The following SLC12A2 variants were observed in gnomAD, a reference collection of about 807,000 sequenced individuals.
SLC12A2 encodes Na-K-2Cl cotransporter 1.
SLC12A2 carries 67 observed loss-of-function variants against 136.3 expected under a neutral mutation model. The ratio of observed to expected loss-of-function variants is 0.49; its 90% CI spans 0.40 to 0.60. The LOEUF (loss-of-function observed/expected upper bound fraction) is 0.60. Among genes scored for constraint, SLC12A2 ranks in the 20% least tolerant of loss-of-function variants. The pLI is 0.00. For synonymous variants in SLC12A2, 619 were observed against 562.9 expected (o/e 1.10, Z -1.41); for missense variants, 1,322 against 1,534.7 (o/e 0.86, Z 2.32).
At chr5:128,169,371 C>T (rs913647626) in intron 18 of SLC12A2, 4 of 152,094 alleles carry the variant, frequency 2.6e-5, no homozygotes, top group African/African-American at 9.7e-5. Context: ...TGGCTATAAC[C>T]ACATATATTT....
At chr5:128,164,847 GTTT>G (rs35076550) in intron 17 of SLC12A2, among the ~76,000 whole-genome samples, 1 of 123,552 alleles carries the variant, frequency 8.1e-6, no homozygotes, top group African/African-American at 3.1e-5. Context: ...AAACTGTTTT[GTTT>G]TTTTTTTTTT....
Position 128,084,835 on chromosome 5 carries a change from C to T in SLC12A2, c.756+125C>T. On this transcript the variant is annotated intron_variant, in intron 1 of 26. Coordinates refer to ENST00000262461, the MANE Select transcript of SLC12A2 (RefSeq NM_001046.3). The surrounding 1 kb of genome is among the most constrained non-coding windows in gnomAD (Gnocchi z 5.6). ...AGACGTGCACGACTTGCTGGCATCT[C>T]TGGATTCAGCTGTCAAGGGTGGAAT... 2.8e-6 allele frequency: 3 copies of T among 1,056,994 alleles called. No individual in the cohort carries two copies. The highest frequency in any genetic ancestry group is 2.7e-6 in the Non-Finnish European group (2 of 753,624). The allele number at this position is 1,056,994 out of a possible 1,614,324, so 65.5% of individuals were successfully genotyped here. A position where few individuals can be genotyped will look rare whatever the true frequency, so the allele number is the denominator to read the frequency against.
At chr5:128,173,739 G>A (rs1040092614) in intron 19 of SLC12A2, among the ~76,000 whole-genome samples, 3 of 152,156 alleles carry the variant, frequency 2.0e-5, no homozygotes, top group African/African-American at 7.2e-5. Flanking sequence ...GTGCTGGCAT[G>A]TAGCTTCTTT....
chr5:128,091,843 A>G (rs1345796362), intron 1 of SLC12A2, among the ~76,000 whole-genome samples: 2 of 152,214 alleles, frequency 1.3e-5, no homozygotes, highest in Non-Finnish European at 2.9e-5. Context: ...CCCTGCCTTA[A>G]TTTTTAAAAA....
At chr5:128,113,177 C>G (rs994562671) in intron 2 of SLC12A2, among the ~76,000 whole-genome samples, 1 of 152,120 alleles carries the variant, frequency 6.6e-6, no homozygotes, top group African/African-American at 2.4e-5. Flanking sequence ...TAATGTGTTA[C>G]TGATGGTATT....
chr5:128,184,537 T>C (rs1763806384), intron 25 of SLC12A2, 36 bp downstream of exon 25: 2 of 1,524,768 alleles, frequency 1.3e-6, no homozygotes, highest in African/African-American at 2.8e-5. Context: ...TAATCTTTTA[T>C]ATAATAAAAG....
Position 128,119,572 on chromosome 5 carries a change from T to C in SLC12A2, c.1048+4891T>C, listed in dbSNP as rs546036879. On this transcript the variant is annotated intron_variant, in intron 4 of 26. Coordinates refer to ENST00000262461, the MANE Select transcript of SLC12A2 (RefSeq NM_001046.3). Reference sequence around the variant, plus strand: ...TTTCTGAGGGCTCTGTTCTGTTCCATTGATCTATATCTCTGTTTTGGTACC... The same window carrying C: ...TTTCTGAGGGCTCTGTTCTGTTCCACTGATCTATATCTCTGTTTTGGTACC... Among the ~76,000 whole-genome samples the C allele has an allele frequency of 6.0e-4, 91 of 152,328 alleles. No homozygotes were observed. The South Asian group carries it at 7.7e-3, about 13-fold the overall frequency.
At chr5:128,139,475 G>GT (rs1478884853) in intron 9 of SLC12A2, among the ~76,000 whole-genome samples, 1 of 152,102 alleles carries the variant, frequency 6.6e-6, no homozygotes, top group Non-Finnish European at 1.5e-5. Context: ...CAACTTCATG[G>GT]TTACTTCATG....
intron 21 of SLC12A2, 32 bp downstream of exon 21, chr5:128,177,184 CTTTTTCATACTGTAAACT>C: frequency 6.7e-7 from 1 of 1,492,868 alleles, no homozygotes; most frequent in South Asian, 1.2e-5. Context: ...ATTTTAAACC[CTTTTTCATACTGTAAACT>C]CTTTAACTCC....
intron 13 of SLC12A2, among the ~76,000 whole-genome samples, chr5:128,150,849 T>C (rs996707489): frequency 7.9e-5 from 12 of 151,940 alleles, no homozygotes; most frequent in African/African-American, 2.9e-4. Flanking sequence ...TTCATTAGAC[T>C]ATGGATATGG....
chr5:128,111,517 G>A (rs1761142732), intron 1 of SLC12A2, among the ~76,000 whole-genome samples: 1 of 152,086 alleles, frequency 6.6e-6, no homozygotes, highest in South Asian at 2.1e-4. Context: ...TGTAATCCTA[G>A]CACTTTGAGA....
At chr5:128,181,081 C>A in intron 23 of SLC12A2, 87 bp downstream of exon 23, 1 of 838,830 alleles carries the variant, frequency 1.2e-6, no homozygotes, top group South Asian at 1.5e-5. Flanking sequence ...TTAGACAATC[C>A]AGAAAATGTC....
At position 128,150,045 on chromosome 5, in the gene SLC12A2, C is replaced by T. The variant is rs749444934; in HGVS notation, c.2054C>T (p.Ser685Leu). 6.2e-7 allele frequency: 1 copy of T among 1,611,012 alleles called. No homozygotes were observed. The highest frequency in any genetic ancestry group is 8.5e-7 in the Non-Finnish European group (1 of 1,178,456). ...APIISNFFLA[S>L]YALINFSVFH... ...ATTATCTCAAACTTCTTCCTTGCAT[C>T]ATATGCATTGATCAATTTTTCAGTA... Residue 685 changes from serine to leucine, a missense_variant, in exon 13 of 27, where the codon TCA (serine) becomes TTA (leucine). By Grantham distance (145) the Ser-to-Leu change is moderately radical. Around this residue, in one of 8 missense-constraint regions of SLC12A2, gnomAD observed 294 missense variants for 436.6 expected, o/e 0.67. Coordinates refer to ENST00000262461, the MANE Select transcript of SLC12A2 (RefSeq NM_001046.3).
At position 128,150,043 on chromosome 5, in the gene SLC12A2, A is replaced by G. The variant is rs1431331836; in HGVS notation, c.2052A>G (p.Ala684=). The G allele has an allele frequency of 6.2e-6, 10 of 1,611,190 alleles. No individual in the cohort carries two copies. Among genetic ancestry groups the G allele is most frequent in the East Asian group, 2.2e-5 (1 of 44,772 alleles). ...CAATTATCTCAAACTTCTTCCTTGC[A>G]TCATATGCATTGATCAATTTTTCAG... is the stretch of plus-strand genomic sequence containing the variant. ...IAPIISNFFL[A]SYALINFSVF... is the part of the protein sequence containing the mutation. The change falls in exon 13 of 27, where the codon GCA becomes GCG. Residue 684 remains alanine (A), a synonymous_variant. Transcript: ENST00000262461.
chr5:128,127,839 G>GT (rs541028641), intron 4 of SLC12A2, among the ~76,000 whole-genome samples: 96 of 150,860 alleles, frequency 6.4e-4, no homozygotes, highest in Non-Finnish European at 1.1e-3. Context: ...TTGTTTATCA[G>GT]TTTTTTTTAA....
At chr5:128,094,588 T>C (rs1387205279) in intron 1 of SLC12A2, among the ~76,000 whole-genome samples, 2 of 152,070 alleles carry the variant, frequency 1.3e-5, no homozygotes, top group Non-Finnish European at 2.9e-5. Flanking sequence ...AATGTTTTTA[T>C]ATCCATTGAA....
chr5:128,117,593 A>C (rs1217022698), intron 4 of SLC12A2, among the ~76,000 whole-genome samples: 2 of 152,216 alleles, frequency 1.3e-5, no homozygotes, highest in Non-Finnish European at 2.9e-5. Flanking sequence ...TCAAAGACTT[A>C]AATCTAAGAC....
At chr5:128,092,225 ATC>A (rs759090959) in intron 1 of SLC12A2, among the ~76,000 whole-genome samples, 1 of 152,252 alleles carries the variant, frequency 6.6e-6, no homozygotes, top group Non-Finnish European at 1.5e-5. Flanking sequence ...CACATCCAGT[ATC>A]TCAATACCTC....
chr5:128,122,144 A>G (rs1262900682), intron 4 of SLC12A2, among the ~76,000 whole-genome samples: 17 of 152,358 alleles, frequency 1.1e-4, no homozygotes, highest in Non-Finnish European at 2.9e-5. Context: ...TTAGTTGACT[A>G]AGTTAAAAGC....
Sources: allele counts gnomAD v4.1 joint callset (sites outside exome capture counted in the v4.1 genomes callset), GRCh38; gene constraint gnomAD v4.1.1; regional missense constraint gnomAD v4.1.1; non-coding constraint Gnocchi (gnomAD v3.1); transcripts MANE v1.5; gene names NCBI Gene and HGNC (gene_info 2026-07-23, HGNC 2026-07-21).